The following MED20 variants were observed in gnomAD, a reference collection of about 807,000 sequenced individuals.
The protein encoded by MED20 is mediator complex subunit 20, also known as mediator of RNA polymerase II transcription subunit 20.
A neutral mutation model predicts 19.7 loss-of-function variants in MED20; 19 were observed. The observed-to-expected ratio is 0.96, with a 90% CI of 0.67 to 1.42. The LOEUF (loss-of-function observed/expected upper bound fraction) is 1.42, where lower values mean the gene tolerates loss of function less well. Ranked by LOEUF, MED20 falls within the 40% of genes most tolerant of loss-of-function variation. The pLI is 0.00. For synonymous variants in MED20, 105 were observed against 104.8 expected (o/e 1.00, Z -0.01); for missense variants, 225 against 273.0 (o/e 0.82, Z 1.24).
chr6:41,914,076 G>A (rs1225380526), intron 2 of MED20, among the ~76,000 whole-genome samples: 3 of 152,156 alleles, frequency 2.0e-5, no homozygotes, highest in Non-Finnish European at 4.4e-5. Flanking sequence ...ATGTATACAG[G>A]GAACAAATAC....
intron 2 of MED20, 117 bp from the exon 3 acceptor site, chr6:41,909,639 T>C: frequency 1.4e-6 from 2 of 1,456,360 alleles, no homozygotes; most frequent in Non-Finnish European, 1.9e-6. Context: ...ACCTCAGCAG[T>C]TCTTGGTTGG....
chr6:41,907,397 C>T, intron 3 of MED20, 110 bp from the exon 4 acceptor site: 2 of 952,900 alleles, frequency 2.1e-6, no homozygotes, highest in South Asian at 1.6e-5. Context: ...GAGCTAAAGA[C>T]ACACACCTCC....
intron 1 of MED20, among the ~76,000 whole-genome samples, chr6:41,919,890 A>G (rs1165853776): frequency 1.8e-4 from 27 of 152,206 alleles, no homozygotes; most frequent in Admixed American, 1.8e-3. Context: ...GTAGGAAGCA[A>G]GAGTGCAATC....
chr6:41,907,095 CCTG>C lies in MED20; in HGVS notation c.613_615del (p.Gln205del). On this transcript the variant is annotated inframe_deletion, in exon 4 of 4. Coordinates refer to ENST00000265350, the MANE Select transcript of MED20 (RefSeq NM_004275.5). Reference sequence around the variant, plus strand: ...CACTAACGAATCCCAGCCACCGGCACCTGCTGCTGCTTGCGGATCTTGTTGAAG... The same window carrying C: ...CACTAACGAATCCCAGCCACCGGCACCTGCTGCTTGCGGATCTTGTTGAAG... The C allele has an allele frequency of 1.2e-6, 2 of 1,613,818 alleles. No homozygotes were observed. Among genetic ancestry groups the C allele is most frequent in the Non-Finnish European group, 1.7e-6 (2 of 1,179,994 alleles).
In MED20 at chr6:41,921,110, C is replaced by CCTTCAG; in HGVS notation, c.-93_-92insCTGAAG. On this transcript the variant is annotated 5_prime_UTR_variant, in exon 1 of 4. Coordinates refer to ENST00000265350, the MANE Select transcript of MED20 (RefSeq NM_004275.5). ...AACTCCTTCAGTTCCCCAACACAAC[C>CCTTCAG]TTCTGTCTCAGAAGGGACTCCGGAA... is the stretch of plus-strand genomic sequence containing the variant. The CCTTCAG allele has an allele frequency of 2.0e-6, 3 of 1,538,366 alleles. No individual in the cohort carries two copies. Among genetic ancestry groups the CCTTCAG allele is most frequent in the Non-Finnish European group, 2.7e-6 (3 of 1,125,860 alleles).
intron 1 of MED20, among the ~76,000 whole-genome samples, chr6:41,918,396 T>C (rs566522217): frequency 7.9e-5 from 12 of 151,038 alleles, no homozygotes; most frequent in Non-Finnish European, 1.2e-4. Context: ...CCCAGCTACA[T>C]GGGAGGCTGA....
chr6:41,910,632 C>CAA (rs34810607), intron 2 of MED20, among the ~76,000 whole-genome samples: 23 of 128,508 alleles, frequency 1.8e-4, no homozygotes, highest in East Asian at 6.7e-4. Context: ...ACTCTATCTC[C>CAA]AAAAAAAAAA....
chr6:41,910,789 A>G (rs1775173568), intron 2 of MED20, among the ~76,000 whole-genome samples: 1 of 151,866 alleles, frequency 6.6e-6, no homozygotes, highest in South Asian at 2.1e-4. Context: ...ATGTACAAGC[A>G]GAGGACTTAG....
Position 41,912,648 on chromosome 6 carries a change from C to T in MED20, c.170-3126G>A, listed in dbSNP as rs558716367. ...CTGGGATTCCAGGCATGAGCCACCGCGCCCAGACGACAATCGTATTTTCTA... is the reference window on the plus strand; with the variant it reads ...CTGGGATTCCAGGCATGAGCCACCGTGCCCAGACGACAATCGTATTTTCTA... On this transcript the variant is annotated intron_variant, in intron 2 of 3. Transcript: ENST00000265350. Among the ~76,000 whole-genome samples the T allele has an allele frequency of 1.1e-4, 17 of 152,220 alleles. No individual in the cohort carries two copies. In the South Asian group the frequency reaches 2.5e-3, roughly 22 times the overall value.
chr6:41,918,969 A>T (rs1775388820), intron 1 of MED20, among the ~76,000 whole-genome samples: 1 of 144,842 alleles, frequency 6.9e-6, no homozygotes, highest in South Asian at 2.2e-4. Flanking sequence ...AAAAAAAAAA[A>T]TACAAAAAAA....
chr6:41,911,154 C>T (rs1398881448), intron 2 of MED20, among the ~76,000 whole-genome samples: 1 of 140,462 alleles, frequency 7.1e-6, no homozygotes, highest in East Asian at 2.2e-4. Context: ...AGGCTAAAAA[C>T]TTTTTTTTTT....
intron 3 of MED20, 139 bp from the exon 4 acceptor site, chr6:41,907,426 C>A: frequency 2.7e-6 from 2 of 754,712 alleles, no homozygotes; most frequent in Non-Finnish European, 2.1e-6. Flanking sequence ...TATTGGTCCA[C>A]AGGAAACATT....
intron 1 of MED20, 165 bp downstream of exon 1, chr6:41,920,840 G>A (rs1337254792): frequency 5.1e-6 from 4 of 781,462 alleles, no homozygotes; most frequent in East Asian, 6.3e-5. Flanking sequence ...GCGCATCTCT[G>A]AGGAAACAAG....
rs1561934345 is a variant in MED20, at chr6:41,907,202, G to A, written c.509C>T (p.Pro170Leu). 1 of 1,614,050 alleles carries A rather than the reference G, an allele frequency of 6.2e-7. No individual in the cohort carries two copies. The highest frequency in any genetic ancestry group is 1.1e-5 in the South Asian group (1 of 91,080). ...FLQSFLGSHT[P>L]GAPAVFGNRH... is the part of the protein sequence containing the mutation. The stretch of plus-strand genomic sequence containing the variant: ...GTTCCCAAACACTGCGGGAGCCCCT[G>A]GTGTGTGGCTGCCTAGAAAACTCTG... The change falls in exon 4 of 4, where the codon CCA becomes CTA. Residue 170 changes from proline to leucine, a missense_variant. Transcript: ENST00000265350.
chr6:41,909,441 C>G lies in MED20; in HGVS notation c.251G>C (p.Cys84Ser). The G allele has an allele frequency of 6.2e-7, 1 of 1,614,220 alleles. No homozygotes were observed. The highest frequency in any genetic ancestry group is 8.5e-7 in the Non-Finnish European group (1 of 1,180,030). The change falls in exon 3 of 4, where the codon TGC becomes TCC. Residue 84 changes from cysteine to serine, a missense_variant. By Grantham distance (112) the Cys-to-Ser change is moderately radical. Transcript: ENST00000265350. Reference sequence around the variant, plus strand: ...ATCAAAGTTGGTGTCAGCAATAAGGCAAGGGCCATTCTCAAAGAGGGCGAA... The same window carrying G: ...ATCAAAGTTGGTGTCAGCAATAAGGGAAGGGCCATTCTCAAAGAGGGCGAA... ...SCFALFENGP[C>S]LIADTNFDVL... is the part of the protein sequence containing the mutation.
At chr6:41,908,943 G>T (rs537486150) in intron 3 of MED20, 25 of 377,274 alleles carry the variant, frequency 6.6e-5, no homozygotes, top group Non-Finnish European at 1.0e-4. Flanking sequence ...AGCACTTTGG[G>T]GGGCTGAGAT....
At chr6:41,917,072 C>A (rs1006667594) in intron 1 of MED20, 133 bp from the exon 2 acceptor site, 25 of 895,172 alleles carry the variant, frequency 2.8e-5, no homozygotes, top group East Asian at 2.5e-4. Context: ...TGACCGTCTC[C>A]CAATCCCTGC....
chr6:41,910,374 G>A (rs1464507029), intron 2 of MED20, among the ~76,000 whole-genome samples: 9 of 152,186 alleles, frequency 5.9e-5, no homozygotes, highest in African/African-American at 4.8e-5. Flanking sequence ...GCTCCCACCC[G>A]TAATCCCAAC....
Position 41,916,810 on chromosome 6 carries a change from C to T in MED20, c.144G>A (p.Thr48=), listed in dbSNP as rs778167430. The change falls in exon 2 of 4, where the codon ACG becomes ACA. Residue 48 remains threonine (T), a synonymous_variant. Coordinates refer to ENST00000265350, the MANE Select transcript of MED20 (RefSeq NM_004275.5). ...CTTGGCTGCCAAGGGTAGAGGCGGC[C>T]GTATGGTAAGTCTCACAGTCCACAC... ...TFCVDCETYH[T]AASTLGSQGQ... is the part of the protein sequence containing the mutation. The T allele has an allele frequency of 4.1e-5, 66 of 1,613,908 alleles. No individual in the cohort carries two copies. In the Admixed American group the frequency reaches 6.0e-4, roughly 15 times the overall value.
Sources: gnomAD v4.1 joint callset for allele counts (sites outside exome capture counted in the v4.1 genomes callset) on GRCh38, gnomAD v4.1.1 for gene constraint, MANE v1.5 for transcripts, NCBI Gene and HGNC (gene_info 2026-07-23, HGNC 2026-07-21) for gene names.